The following POLR3A variants were observed in gnomAD, a reference collection of about 807,000 sequenced individuals.
The protein encoded by POLR3A is RNA polymerase III subunit A, also known as DNA-directed RNA polymerase III subunit RPC1.
POLR3A carries 112 observed loss-of-function variants against 152.8 expected under a neutral mutation model. The ratio of observed to expected loss-of-function variants is 0.73; its 90% CI spans 0.63 to 0.86. POLR3A has a LOEUF of 0.86. Among genes scored for constraint, POLR3A ranks in the 40% least tolerant of loss-of-function variants. POLR3A has a pLI of 0.00. For synonymous variants in POLR3A, 615 were observed against 652.1 expected (o/e 0.94, Z 0.87); for missense variants, 1,385 against 1,743.1 (o/e 0.79, Z 3.66).
At chr10:78,022,446 G>A in intron 5 of POLR3A, 62 bp from the exon 6 acceptor site, 2 of 1,573,344 alleles carry the variant, frequency 1.3e-6, no homozygotes, top group Non-Finnish European at 1.7e-6. Context: ...GCTTGGGCAA[G>A]GTTTTCCTTC....
At chr10:77,995,613 A>G (rs1226911750) in intron 19 of POLR3A, among the ~76,000 whole-genome samples, 1 of 152,030 alleles carries the variant, frequency 6.6e-6, no homozygotes, top group Non-Finnish European at 1.5e-5. Flanking sequence ...AGAGCTAACT[A>G]TCCTAAATAT....
Position 78,025,688 on chromosome 10 carries a change from C to A in POLR3A, c.252G>T (p.Gly84=). 1 of 1,613,808 alleles carries A rather than the reference C, an allele frequency of 6.2e-7. No homozygotes were observed. Among genetic ancestry groups the A allele is most frequent in the Non-Finnish European group, 8.5e-7 (1 of 1,179,732 alleles). The change falls in exon 3 of 31, where the codon GGG becomes GGT. Residue 84 remains glycine (G), a synonymous_variant. Transcript: ENST00000372371. ...KNLADCLGHY[G]YIDLELPCFH... is the part of the protein sequence containing the mutation. The stretch of plus-strand genomic sequence containing the variant: ...AACACGGCAACTCCAGGTCGATATA[C>A]CCATAGTGGCCTAGACAGTCAGCCA...
rs760265367 is a variant in POLR3A at position 77,981,504 on chromosome 10, T to C, written c.3815A>G (p.Gln1272Arg). The change falls in exon 29 of 31, where the codon CAG becomes CGG. Residue 1272 changes from glutamine to arginine, a missense_variant. By Grantham distance (43) the Gln-to-Arg change is conservative. This residue lies in a region of POLR3A where 332 missense variants were observed against 400.1 expected (regional missense o/e 0.83). Transcript: ENST00000372371. ...AARTTIINEI[Q>R]YTMVNHGMSI... Reference sequence around the variant, plus strand: ...CATGCCGTGGTTCACCATGGTGTACTGGATTTCATTGATGATCGTTGTCCG... The same window carrying C: ...CATGCCGTGGTTCACCATGGTGTACCGGATTTCATTGATGATCGTTGTCCG... 6 of 1,613,892 alleles carry C rather than the reference T, an allele frequency of 3.7e-6. No individual in the cohort carries two copies. The highest frequency in any genetic ancestry group is 2.2e-5 in the South Asian group (2 of 91,082).
At chr10:78,025,486 T>C in intron 3 of POLR3A, 136 bp downstream of exon 3, 2 of 840,726 alleles carry the variant, frequency 2.4e-6, no homozygotes, top group Non-Finnish European at 4.0e-6. Context: ...TAGTGTGAGA[T>C]GAAAATATTA....
intron 20 of POLR3A, 98 bp downstream of exon 20, chr10:77,993,099 A>G: frequency 1.1e-6 from 1 of 887,052 alleles, no homozygotes; most frequent in Non-Finnish European, 1.9e-6. Flanking sequence ...TAAATACTGA[A>G]GTATTTATTA....
chr10:77,986,267 G>T, intron 21 of POLR3A, 108 bp from the exon 22 acceptor site: 2 of 767,568 alleles, frequency 2.6e-6, no homozygotes, highest in Non-Finnish European at 4.8e-6. Flanking sequence ...ATATTTTAGT[G>T]TTAGCTCCAT....
At chr10:77,979,958 G>A in intron 30 of POLR3A, among the ~76,000 whole-genome samples, 183 bp downstream of exon 30, 1 of 152,318 alleles carries the variant, frequency 6.6e-6, no homozygotes, top group East Asian at 1.9e-4. Flanking sequence ...CGGGGATGCA[G>A]GATGCTACAG....
rs552700197 is a variant in POLR3A at position 77,990,233 on chromosome 10, A to G, written c.2901+821T>C. On this transcript the variant is annotated intron_variant, in intron 21 of 30. Transcript: ENST00000372371. The stretch of plus-strand genomic sequence containing the variant: ...AAAAAAAACAAAAAACAAACGAACC[A>G]AAAAACCTTAAGAGGGTATCAAAGT... Among the ~76,000 whole-genome samples, 28 of 152,334 alleles carry G rather than the reference A, an allele frequency of 1.8e-4. No homozygotes were observed. The South Asian group carries it at 5.8e-3, about 32-fold the overall frequency.
At chr10:78,005,940 T>C (rs137863577) in intron 15 of POLR3A, among the ~76,000 whole-genome samples, 2 of 152,186 alleles carry the variant, frequency 1.3e-5, no homozygotes, top group East Asian at 3.9e-4. Flanking sequence ...CACCAGATAT[T>C]TGAGGAAAGA....
rs377633729 is a variant in POLR3A at position 78,026,237 on chromosome 10, G to C, written c.45-8C>G. 3 of 1,613,980 alleles carry C rather than the reference G, an allele frequency of 1.9e-6. No homozygotes were observed. The highest frequency in any genetic ancestry group is 1.3e-5 in the African/African-American group (1 of 74,914). ...CCAAAACAGATGTGGCTTCTGGAAT[G>C]GGAAGAAAAAGGTGAAAATTACAGC... On this transcript the variant is annotated splice_region_variant and splice_polypyrimidine_tract_variant and intron_variant, in intron 1 of 30. Transcript: ENST00000372371.
At chr10:78,019,341 A>C in intron 8 of POLR3A, 76 bp from the exon 9 acceptor site, 2 of 1,009,844 alleles carry the variant, frequency 2.0e-6, no homozygotes, top group Non-Finnish European at 3.1e-6. Flanking sequence ...ATGCGTCTTA[A>C]TCTTTACTTT....
chr10:78,007,981 A>C, intron 14 of POLR3A, 115 bp from the exon 15 acceptor site: 1 of 575,728 alleles, frequency 1.7e-6, no homozygotes, highest in Non-Finnish European at 2.8e-6. Flanking sequence ...AAGCAGAACA[A>C]ACAGAAATTC....
intron 27 of POLR3A, among the ~76,000 whole-genome samples, 155 bp downstream of exon 27, chr10:77,982,498 T>C (rs920729178): frequency 1.3e-5 from 2 of 152,088 alleles, no homozygotes; most frequent in African/African-American, 4.8e-5. Flanking sequence ...AGTTTTTTGA[T>C]AGAACAGAGA....
chr10:78,006,441 T>TGAA (rs1215765756), intron 15 of POLR3A, among the ~76,000 whole-genome samples: 3 of 148,234 alleles, frequency 2.0e-5, no homozygotes, highest in Non-Finnish European at 3.0e-5. Context: ...ACACTACCTG[T>TGAA]GAATAAGTAT....
chr10:77,986,361 G>GAC (rs1479505234), intron 21 of POLR3A, among the ~76,000 whole-genome samples: 1 of 152,046 alleles, frequency 6.6e-6, no homozygotes, highest in Non-Finnish European at 1.5e-5. Flanking sequence ...CCATACCCCA[G>GAC]ACACACACTC....
intron 20 of POLR3A, 40 bp downstream of exon 20, chr10:77,993,157 T>C: frequency 6.5e-7 from 1 of 1,537,450 alleles, no homozygotes; most frequent in Non-Finnish European, 9.0e-7. Flanking sequence ...AGAAACATCC[T>C]TAAAAACACT....
chr10:77,984,034 C>A, intron 25 of POLR3A, 22 bp from the exon 26 acceptor site: 1 of 1,534,386 alleles, frequency 6.5e-7, no homozygotes, highest in Non-Finnish European at 9.0e-7. Flanking sequence ...AAAGATCAGA[C>A]TGTTAATCAG....
chr10:78,024,436 A>C (rs1847609874), intron 5 of POLR3A, 113 bp downstream of exon 5: 2 of 1,038,678 alleles, frequency 1.9e-6, no homozygotes, highest in African/African-American at 1.6e-5. Flanking sequence ...CTCATTTTGG[A>C]AGAAAGTGGG....
chr10:77,996,755 C>G (rs1458093821), intron 19 of POLR3A, among the ~76,000 whole-genome samples: 1 of 152,184 alleles, frequency 6.6e-6, no homozygotes, highest in East Asian at 1.9e-4. Context: ...TGGTACCATT[C>G]CTTCTGAAAC....
Sources: gnomAD v4.1 joint callset for allele counts (sites outside exome capture counted in the v4.1 genomes callset) on GRCh38, gnomAD v4.1.1 for gene constraint, gnomAD v4.1.1 regional missense constraint, MANE v1.5 for transcripts, NCBI Gene and HGNC (gene_info 2026-07-23, HGNC 2026-07-21) for gene names.